FRS2: variants seen among roughly 807,000 people sequenced by gnomAD.
FRS2 encodes the protein FGFR signalling adaptor.
In FRS2, 8 loss-of-function variants were observed where a neutral mutation model predicts 43.9. The ratio of observed to expected loss-of-function variants is 0.18; its 90% CI spans 0.11 to 0.33. The LOEUF (loss-of-function observed/expected upper bound fraction) is 0.33, where lower values mean the gene tolerates loss of function less well. Among genes scored for constraint, FRS2 ranks in the 10% least tolerant of loss-of-function variants. FRS2 has a pLI of 1.00. For synonymous variants in FRS2, 219 were observed against 220.3 expected (o/e 0.99, Z 0.05); for missense variants, 534 against 627.6 (o/e 0.85, Z 1.59).
chr12:69,493,504 T>TG (rs1192714268), intron 1 of FRS2, among the ~76,000 whole-genome samples: 1 of 152,222 alleles, frequency 6.6e-6, no homozygotes, highest in East Asian at 1.9e-4. Flanking sequence ...GTGGATCACC[T>TG]GAGGTCGGGA....
At chr12:69,508,717 C>A (rs998747351) in intron 1 of FRS2, among the ~76,000 whole-genome samples, 1 of 152,136 alleles carries the variant, frequency 6.6e-6, no homozygotes, top group Non-Finnish European at 1.5e-5. Context: ...AGTCAGTTTC[C>A]GTTCTTTTAG....
Position 69,500,915 on chromosome 12 carries a change from A to G in FRS2, c.-260-29950A>G, listed in dbSNP as rs17106637. 6.8e-3 allele frequency among the ~76,000 whole-genome samples: 1,029 copies of G among 152,320 alleles called. 11 individuals carry two copies. The highest frequency in any genetic ancestry group is 0.023 in the African/African-American group (975 of 41,562). On this transcript the variant is annotated intron_variant, in intron 1 of 8. Transcript: ENST00000549921. ...GTTTACTTGTGTTTTTGTTATCCTT[A>G]AAATGAAAATTTGTCCCTTAATTCT...
intron 3 of FRS2, among the ~76,000 whole-genome samples, chr12:69,538,540 A>G (rs1019217046): frequency 2.6e-5 from 4 of 151,838 alleles, no homozygotes; most frequent in African/African-American, 9.7e-5. Context: ...GCCTTTTTAT[A>G]TGTTTAAGCT....
In FRS2 at chr12:69,485,105, A is replaced by ACGCG. The variant is rs1555183217; in HGVS notation, c.-261+14576_-261+14577insGCGC. Among the ~76,000 whole-genome samples, 45 of 146,388 alleles carry ACGCG rather than the reference A, an allele frequency of 3.1e-4. No individual in the cohort carries two copies. In the East Asian group the frequency reaches 7.2e-3, roughly 23 times the overall value. Reference sequence around the variant, plus strand: ...AAAACACACACACACACACACACACACACACACACACACACACACACACAC... The same window carrying ACGCG: ...AAAACACACACACACACACACACACACGCGCACACACACACACACACACACACAC... On this transcript the variant is annotated intron_variant, in intron 1 of 8. Coordinates refer to ENST00000549921, the MANE Select transcript of FRS2 (RefSeq NM_001278356.2).
chr12:69,531,550 T>C (rs186230047), intron 2 of FRS2, among the ~76,000 whole-genome samples: 17 of 152,236 alleles, frequency 1.1e-4, no homozygotes, highest in African/African-American at 3.9e-4. Flanking sequence ...GGGTGTCTTA[T>C]TGGAGTGGTG....
At chr12:69,562,392 G>T in intron 4 of FRS2, 118 bp downstream of exon 4, 1 of 387,258 alleles carries the variant, frequency 2.6e-6, no homozygotes, top group Non-Finnish European at 4.5e-6. Context: ...TCTAACTCTT[G>T]AGCTCAAGCG....
chr12:69,534,540 A>G (rs1238187816), intron 3 of FRS2, among the ~76,000 whole-genome samples: 4 of 152,190 alleles, frequency 2.6e-5, no homozygotes, highest in Non-Finnish European at 5.9e-5. Flanking sequence ...CTGACTTTAA[A>G]TGGACCAGCT....
At chr12:69,477,752 A>G (rs1234947972) in intron 1 of FRS2, among the ~76,000 whole-genome samples, 1 of 89,948 alleles carries the variant, frequency 1.1e-5, no homozygotes, top group Admixed American at 1.1e-4. Flanking sequence ...TTATTTATTT[A>G]TTTTTTGAGA....
At chr12:69,478,026 C>T (rs950504297) in intron 1 of FRS2, among the ~76,000 whole-genome samples, 19 of 152,128 alleles carry the variant, frequency 1.2e-4, no homozygotes, top group Non-Finnish European at 2.2e-4. Flanking sequence ...CAGGTGTGAG[C>T]CACCGCGCCC....
chr12:69,569,370 C>T (rs959640170), intron 5 of FRS2, among the ~76,000 whole-genome samples: 2 of 152,110 alleles, frequency 1.3e-5, no homozygotes, highest in African/African-American at 4.8e-5. Context: ...TTTTCAATCT[C>T]ATCACTATCT....
At chr12:69,556,605 A>G (rs144772469) in intron 3 of FRS2, among the ~76,000 whole-genome samples, 16 of 152,302 alleles carry the variant, frequency 1.1e-4, no homozygotes, top group African/African-American at 3.8e-4. Context: ...TACAGGCGTG[A>G]GCCATCGTGA....
At chr12:69,483,665 T>A (rs1231824126) in intron 1 of FRS2, among the ~76,000 whole-genome samples, 1 of 152,134 alleles carries the variant, frequency 6.6e-6, no homozygotes, top group Non-Finnish European at 1.5e-5. Context: ...TATTTAGTTG[T>A]TGCTATCATA....
chr12:69,564,119 G>A (rs991353904), intron 4 of FRS2, among the ~76,000 whole-genome samples: 1 of 152,050 alleles, frequency 6.6e-6, no homozygotes, highest in African/African-American at 2.4e-5. Flanking sequence ...TCAAAGACCA[G>A]TTTCCATCCT....
intron 1 of FRS2, among the ~76,000 whole-genome samples, chr12:69,517,397 G>GA (rs1875166603): frequency 6.6e-6 from 1 of 151,788 alleles, no homozygotes; most frequent in African/African-American, 2.4e-5. Flanking sequence ...TCCAAAATCT[G>GA]AAAAAACTGT....
chr12:69,499,704 A>G (rs1873254048), intron 1 of FRS2, among the ~76,000 whole-genome samples: 2 of 150,890 alleles, frequency 1.3e-5, no homozygotes, highest in Admixed American at 1.3e-4. Flanking sequence ...ATGGAGAGGG[A>G]TGAATCACAG....
Position 69,491,284 on chromosome 12 carries a change from C to T in FRS2, c.-261+20754C>T, listed in dbSNP as rs552657205. ...TAATTTTTTATATTTTTTATAAAGA[C>T]GAGGTTTTGCCATGTTGTCCAGGCT... On this transcript the variant is annotated intron_variant, in intron 1 of 8. Coordinates refer to ENST00000549921, the MANE Select transcript of FRS2 (RefSeq NM_001278356.2). Among the ~76,000 whole-genome samples, 30 of 151,980 alleles carry T rather than the reference C, an allele frequency of 2.0e-4. No individual in the cohort carries two copies. The South Asian group carries it at 3.9e-3, about 20-fold the overall frequency.
chr12:69,556,075 A>G (rs147827013), intron 3 of FRS2, among the ~76,000 whole-genome samples: 3 of 152,120 alleles, frequency 2.0e-5, no homozygotes, highest in African/African-American at 7.2e-5. Context: ...TAGACTTTAA[A>G]AAAAAATTAG....
intron 1 of FRS2, among the ~76,000 whole-genome samples, chr12:69,529,146 CACTG>C (rs542801944): frequency 2.6e-5 from 4 of 152,170 alleles, no homozygotes; most frequent in Non-Finnish European, 5.9e-5. Flanking sequence ...TGGCTAATCT[CACTG>C]ACTTGTTGAG....
chr12:69,492,754 A>G (rs929223911), intron 1 of FRS2, among the ~76,000 whole-genome samples: 1 of 152,158 alleles, frequency 6.6e-6, no homozygotes, highest in South Asian at 2.1e-4. Context: ...TCTGTCTGTT[A>G]TAGTCCACTT....
Sources: gnomAD v4.1 joint callset for allele counts (sites outside exome capture counted in the v4.1 genomes callset) on GRCh38, gnomAD v4.1.1 for gene constraint, MANE v1.5 for transcripts, NCBI Gene and HGNC (gene_info 2026-07-23, HGNC 2026-07-21) for gene names.